The following MAN1A1 variants were observed in gnomAD, a reference collection of about 807,000 sequenced individuals.
The protein encoded by MAN1A1 is mannosyl-oligosaccharide 1,2-alpha-mannosidase IA.
Under a neutral mutation model 70.8 loss-of-function variants are expected in MAN1A1, and 29 were observed. The ratio of observed to expected loss-of-function variants is 0.41; its 90% CI spans 0.31 to 0.56. The LOEUF is 0.56. Among genes scored for constraint, MAN1A1 ranks in the 20% least tolerant of loss-of-function variants. The probability of loss-of-function intolerance (pLI) is 0.29; values close to 1 mark genes in which losing one functional copy is unlikely to be tolerated. For missense variants in MAN1A1, 747 were observed against 841.3 expected, an observed-to-expected ratio of 0.89 and a Z score of 1.39; for synonymous variants, 349 against 330.1, an observed-to-expected ratio of 1.06 and a Z score of -0.62.
At chr6:119,316,499 T>A (rs532121581) in intron 2 of MAN1A1, among the ~76,000 whole-genome samples, 93 of 152,290 alleles carry the variant, frequency 6.1e-4, no homozygotes, top group Admixed American at 2.2e-3. Flanking sequence ...ATATCACAGA[T>A]GCTCCCTTAA....
intron 8 of MAN1A1, among the ~76,000 whole-genome samples, chr6:119,195,641 C>G (rs1185541694): frequency 6.6e-6 from 1 of 152,154 alleles, no homozygotes; most frequent in Admixed American, 6.5e-5. Context: ...ATTATGTTTC[C>G]CAGTCCACCC....
intron 11 of MAN1A1, among the ~76,000 whole-genome samples, chr6:119,181,377 T>C (rs961168079): frequency 3.9e-5 from 6 of 152,096 alleles, no homozygotes; most frequent in African/African-American, 9.7e-5. Flanking sequence ...ATCAGTGATA[T>C]TGGTAACAGA....
At chr6:119,350,562 G>T, upstream of MAN1A1, 1 of 985,094 alleles carries the variant, frequency 1.0e-6, no homozygotes, top group Non-Finnish European at 1.2e-6. Context: ...ATTCGAAGAC[G>T]AGTTTTATGC....
rs1187467496 is a variant in MAN1A1, at chr6:119,181,456, T to C, written c.1720-1029A>G. ...GATCTATTCCTAAAATACATGTTTT[T>C]TTTTTTTTTCAGTCTAGTATGGAAG... is the stretch of plus-strand genomic sequence containing the variant. On this transcript the variant is annotated intron_variant, in intron 11 of 12. Transcript: ENST00000368468. Among the ~76,000 whole-genome samples the C allele has an allele frequency of 3.3e-5, 5 of 151,674 alleles. No individual in the cohort carries two copies. The East Asian group carries it at 9.7e-4, about 29-fold the overall frequency.
chr6:119,234,056 T>G (rs998108346), intron 6 of MAN1A1, among the ~76,000 whole-genome samples: 2 of 152,200 alleles, frequency 1.3e-5, no homozygotes, highest in Non-Finnish European at 2.9e-5. Flanking sequence ...TTGCTGATTT[T>G]TTTTCTGTGA....
At chr6:119,306,625 T>C (rs1468157397) in intron 3 of MAN1A1, among the ~76,000 whole-genome samples, 1 of 152,192 alleles carries the variant, frequency 6.6e-6, no homozygotes, top group African/African-American at 2.4e-5. Flanking sequence ...CTGCACCCTA[T>C]AACCATTAAG....
intron 2 of MAN1A1, among the ~76,000 whole-genome samples, chr6:119,307,966 C>T (rs1772578758): frequency 6.6e-6 from 1 of 152,146 alleles, no homozygotes. Flanking sequence ...TTCCTGAACA[C>T]AACAATCAGC....
intron 5 of MAN1A1, among the ~76,000 whole-genome samples, chr6:119,270,567 T>A (rs1006978817): frequency 1.3e-5 from 2 of 152,172 alleles, no homozygotes; most frequent in Non-Finnish European, 2.9e-5. Flanking sequence ...CTACTTTCTG[T>A]CTCTATGAAT....
At chr6:119,221,424 A>ATACCATTAAGAT (rs6149779) in intron 6 of MAN1A1, among the ~76,000 whole-genome samples, 67,977 of 150,226 alleles carry the variant, frequency 0.45, 16,140 homozygotes, top group East Asian at 0.76. Flanking sequence ...CAAACTAAAC[A>ATACCATTAAGAT]CATATTCTTG....
chr6:119,348,541 G>C lies in MAN1A1; in HGVS notation c.525C>G (p.Asp175Glu). The C allele has an allele frequency of 1.2e-6, 2 of 1,613,168 alleles. No individual in the cohort carries two copies. Among genetic ancestry groups the C allele is most frequent in the African/African-American group, 2.7e-5 (2 of 75,048 alleles). The change falls in exon 2 of 13, where the codon GAC becomes GAG. Residue 175 changes from aspartate to glutamate, a missense_variant. Transcript: ENST00000368468. ...TCTCCACCCCGATTGGGGGCACGAA[G>C]TCCACCGGGGGCAGGCCTCTGAACG... ...KAPFRGLPPV[D>E]FVPPIGVESR...
intron 6 of MAN1A1, among the ~76,000 whole-genome samples, chr6:119,214,140 A>C (rs1162090610): frequency 6.6e-6 from 1 of 151,978 alleles, no homozygotes; most frequent in South Asian, 2.1e-4. Context: ...TAATTTTTGT[A>C]TTTTTAGTAG....
chr6:119,216,668 T>C (rs1007694749), intron 6 of MAN1A1, among the ~76,000 whole-genome samples: 1 of 152,214 alleles, frequency 6.6e-6, no homozygotes. Context: ...ATTTGTTCAA[T>C]TTGAGGAACA....
At chr6:119,227,381 T>C (rs1267125700) in intron 6 of MAN1A1, among the ~76,000 whole-genome samples, 2 of 152,236 alleles carry the variant, frequency 1.3e-5, no homozygotes, top group Non-Finnish European at 2.9e-5. Flanking sequence ...CAAAATACAC[T>C]GAAATTTATA....
chr6:119,201,861 G>T (rs1241871685), intron 7 of MAN1A1, among the ~76,000 whole-genome samples: 1 of 151,978 alleles, frequency 6.6e-6, no homozygotes, highest in Non-Finnish European at 1.5e-5. Flanking sequence ...CTTTCTATAG[G>T]GTTATACATT....
chr6:119,186,279 C>T (rs12528343), intron 11 of MAN1A1, among the ~76,000 whole-genome samples: 29,999 of 151,936 alleles, frequency 0.2, 3,167 homozygotes, highest in East Asian at 0.31. Flanking sequence ...TGTCTTTAAG[C>T]GGAAAGCTGG....
At chr6:119,337,762 C>T (rs1037741133) in intron 2 of MAN1A1, among the ~76,000 whole-genome samples, 1 of 152,162 alleles carries the variant, frequency 6.6e-6, no homozygotes, top group Admixed American at 6.5e-5. Context: ...AACCACCCCA[C>T]CTTTAAAGCT....
intron 5 of MAN1A1, among the ~76,000 whole-genome samples, chr6:119,289,832 A>T (rs531472338): frequency 3.3e-5 from 5 of 152,026 alleles, no homozygotes; most frequent in Non-Finnish European, 5.9e-5. Flanking sequence ...GGAGCATAGC[A>T]ATACATGAAA....
At chr6:119,272,362 C>T (rs573280148) in intron 5 of MAN1A1, among the ~76,000 whole-genome samples, 6 of 152,140 alleles carry the variant, frequency 3.9e-5, no homozygotes, top group Non-Finnish European at 8.8e-5. Context: ...TCTCTTACTC[C>T]CTTCTTTCTC....
chr6:119,200,757 C>G (rs1773693088), intron 8 of MAN1A1, among the ~76,000 whole-genome samples: 2 of 152,138 alleles, frequency 1.3e-5, no homozygotes, highest in Admixed American at 1.3e-4. Context: ...TGGCAAGAAA[C>G]CTTTATATCT....
Sources: allele counts gnomAD v4.1 joint callset (sites outside exome capture counted in the v4.1 genomes callset), GRCh38; gene constraint gnomAD v4.1.1; transcripts MANE v1.5; gene names NCBI Gene and HGNC (gene_info 2026-07-23, HGNC 2026-07-21).